The following CSNK1G1 variants were observed in gnomAD, a reference collection of about 807,000 sequenced individuals.
The protein encoded by CSNK1G1 is casein kinase 1 gamma 1, also known as casein kinase I isoform gamma-1.
Under a neutral mutation model 59.6 loss-of-function variants are expected in CSNK1G1, and 22 were observed. The ratio of observed to expected loss-of-function variants is 0.37; its 90% CI spans 0.26 to 0.53. The LOEUF (loss-of-function observed/expected upper bound fraction) is 0.53. Ranked by LOEUF, CSNK1G1 falls within the 20% of genes least tolerant of loss-of-function variation. CSNK1G1 has a pLI of 0.89. For missense variants in CSNK1G1, 384 were observed against 519.5 expected (o/e 0.74, Z 2.54); for synonymous variants, 179 against 177.1 (o/e 1.01, Z -0.08).
At chr15:64,264,429 C>T (rs1892872076) in intron 2 of CSNK1G1, among the ~76,000 whole-genome samples, 1 of 152,162 alleles carries the variant, frequency 6.6e-6, no homozygotes, top group African/African-American at 2.4e-5. Context: ...GGCTTCACTG[C>T]TGAATTCTAT....
At chr15:64,238,259 T>C (rs1376945622) in intron 4 of CSNK1G1, among the ~76,000 whole-genome samples, 4 of 151,430 alleles carry the variant, frequency 2.6e-5, no homozygotes, top group Non-Finnish European at 5.9e-5. Flanking sequence ...TATAGGTATA[T>C]ACGCACATAA....
chr15:64,326,246 G>A (rs1031672158), intron 1 of CSNK1G1, among the ~76,000 whole-genome samples: 2 of 152,046 alleles, frequency 1.3e-5, no homozygotes, highest in African/African-American at 2.4e-5. Context: ...GGCCAGTCTC[G>A]AACTCTTGGC....
intron 10 of CSNK1G1, among the ~76,000 whole-genome samples, chr15:64,199,257 A>ACG (rs1336732622): frequency 6.8e-6 from 1 of 148,080 alleles, no homozygotes; most frequent in Non-Finnish European, 1.5e-5. Flanking sequence ...TCTCAAAAAA[A>ACG]AAAAAAAAAA....
intron 4 of CSNK1G1, among the ~76,000 whole-genome samples, chr15:64,222,911 T>C (rs1250508266): frequency 2.6e-5 from 4 of 152,198 alleles, no homozygotes; most frequent in African/African-American, 7.2e-5. Context: ...TCAAAACAAC[T>C]GGACTCAATA....
At chr15:64,227,551 C>G (rs146906301) in intron 4 of CSNK1G1, among the ~76,000 whole-genome samples, 225 of 152,328 alleles carry the variant, frequency 1.5e-3, no homozygotes, top group African/African-American at 5.2e-3. Context: ...ACATCTAAAT[C>G]ATCTAATATG....
intron 1 of CSNK1G1, among the ~76,000 whole-genome samples, chr15:64,317,530 CTT>C (rs57192493): frequency 1.8e-4 from 25 of 140,610 alleles, no homozygotes; most frequent in African/African-American, 3.4e-4. Flanking sequence ...TAAGGTTTCT[CTT>C]TTTTTTTTTT....
intron 4 of CSNK1G1, among the ~76,000 whole-genome samples, chr15:64,231,349 T>A (rs1383318042): frequency 6.8e-6 from 1 of 147,438 alleles, no homozygotes; most frequent in Non-Finnish European, 1.5e-5. Flanking sequence ...ATTATATATA[T>A]ATTTATATTT....
intron 1 of CSNK1G1, among the ~76,000 whole-genome samples, chr15:64,315,967 A>G (rs1021722042): frequency 2.6e-5 from 4 of 152,202 alleles, no homozygotes; most frequent in South Asian, 2.1e-4. Context: ...TTTATTAAAT[A>G]TAATTCACCT....
rs2081921244 is a variant in CSNK1G1, at chr15:64,188,021, T to A, written c.1108-7567A>T. Among the ~76,000 whole-genome samples the A allele has an allele frequency of 6.6e-6, 1 of 152,200 alleles. No homozygotes were observed. The highest frequency in any genetic ancestry group is 2.1e-4 in the South Asian group (1 of 4,828). On this transcript the variant is annotated intron_variant, in intron 10 of 11. Transcript: ENST00000303052. This position sits in a 1 kb window ranked among gnomAD's most constrained non-coding sequence, Gnocchi z 4.2. ...CATATGCAGTCCTTTAGTCCTCTAT[T>A]CAAAAAATACTTGTAAGTTTCAGGT...
At chr15:64,208,864 T>C (rs1422059929) in intron 6 of CSNK1G1, among the ~76,000 whole-genome samples, 1 of 151,926 alleles carries the variant, frequency 6.6e-6, no homozygotes, top group Admixed American at 6.6e-5. Flanking sequence ...TTGCCAATTA[T>C]GGTTTAGTCT....
intron 11 of CSNK1G1, among the ~76,000 whole-genome samples, chr15:64,178,440 G>A (rs2081766807): frequency 6.6e-6 from 1 of 151,522 alleles, no homozygotes; most frequent in African/African-American, 2.4e-5. Context: ...TTGATGTATT[G>A]GGTAGGAATC....
chr15:64,183,043 G>A (rs991772286), intron 10 of CSNK1G1, among the ~76,000 whole-genome samples: 2 of 152,174 alleles, frequency 1.3e-5, no homozygotes, highest in South Asian at 2.1e-4. Flanking sequence ...AGGAAACATA[G>A]TAAGTTTCTA....
chr15:64,310,897 C>A (rs1004983071), intron 1 of CSNK1G1, among the ~76,000 whole-genome samples: 2 of 149,488 alleles, frequency 1.3e-5, no homozygotes, highest in African/African-American at 4.9e-5. Context: ...CCCAGCTACT[C>A]GGGAAGCCGA....
Position 64,355,992 on chromosome 15 carries a change from T to C in CSNK1G1, c.-229A>G, listed in dbSNP as rs557025169. The stretch of plus-strand genomic sequence containing the variant: ...CCGACGAAGCCGGGCAGATACCTGG[T>C]CCAGCAGTGCTGCAAGGCGCAAATG... On this transcript the variant is annotated 5_prime_UTR_variant, in exon 1 of 12. Coordinates refer to ENST00000303052, the MANE Select transcript of CSNK1G1 (RefSeq NM_022048.5). The C allele has an allele frequency of 9.6e-4, 143 of 148,864 alleles. No individual in the cohort carries two copies. Among genetic ancestry groups the C allele is most frequent in the Non-Finnish European group, 1.9e-3 (127 of 67,654 alleles). The allele number at this position is 148,864 out of a possible 1,614,324, so 9.2% of individuals were successfully genotyped here.
At chr15:64,238,223 G>A (rs1228562554) in intron 4 of CSNK1G1, among the ~76,000 whole-genome samples, 1 of 151,704 alleles carries the variant, frequency 6.6e-6, no homozygotes, top group Non-Finnish European at 1.5e-5. Context: ...GATAATGTGT[G>A]GATGGCTCTA....
rs756214091 is a variant in CSNK1G1, at chr15:64,214,153, T to G, written c.445-29A>C. ...AAAGAGAAACAAATGATAGAAAGAC[T>G]GTAAAGAAGTATATCAGGAAAATAC... On this transcript the variant is annotated intron_variant, in intron 5 of 11. Coordinates refer to ENST00000303052, the MANE Select transcript of CSNK1G1 (RefSeq NM_022048.5). The surrounding 1 kb of genome is among the most constrained non-coding windows in gnomAD (Gnocchi z 4.3). 4.5e-5 allele frequency: 66 copies of G among 1,479,430 alleles called. No homozygotes were observed. In the Admixed American group the frequency reaches 1.1e-3, roughly 24 times the overall value. The allele number at this position is 1,479,430 out of a possible 1,614,324, so 91.6% of individuals were successfully genotyped here. A position where few individuals can be genotyped will look rare whatever the true frequency, so the allele number is the denominator to read the frequency against.
chr15:64,314,571 A>C (rs1372925909), intron 1 of CSNK1G1, among the ~76,000 whole-genome samples: 2 of 151,720 alleles, frequency 1.3e-5, no homozygotes. Flanking sequence ...GAATTAAAAA[A>C]AAAAAAAAAA....
intron 1 of CSNK1G1, among the ~76,000 whole-genome samples, chr15:64,342,362 C>T (rs1306544024): frequency 6.6e-6 from 1 of 152,226 alleles, no homozygotes; most frequent in East Asian, 1.9e-4. Context: ...GTTATGTAAA[C>T]TCTCAATAAA....
intron 2 of CSNK1G1, among the ~76,000 whole-genome samples, chr15:64,275,120 GA>G (rs1373208181): frequency 6.6e-6 from 1 of 152,116 alleles, no homozygotes; most frequent in Non-Finnish European, 1.5e-5. Context: ...TTGGCTCACT[GA>G]AACTCTGCCT....
Sources: allele counts gnomAD v4.1 joint callset (sites outside exome capture counted in the v4.1 genomes callset), GRCh38; gene constraint gnomAD v4.1.1; non-coding constraint Gnocchi (gnomAD v3.1); transcripts MANE v1.5; gene names NCBI Gene and HGNC (gene_info 2026-07-23, HGNC 2026-07-21).